GPM6A: variants seen among roughly 807,000 people sequenced by gnomAD.
The protein encoded by GPM6A is neuronal membrane glycoprotein M6-a.
A neutral mutation model predicts 32.1 loss-of-function variants in GPM6A; 7 were observed. The observed-to-expected ratio is 0.22, with a 90% CI of 0.12 to 0.41. The LOEUF (loss-of-function observed/expected upper bound fraction) is 0.41. GPM6A is among the 10% of genes least tolerant of loss of function. The probability of loss-of-function intolerance (pLI) is 1.00; values close to 1 mark genes in which losing one functional copy is unlikely to be tolerated. For synonymous variants in GPM6A, 130 were observed against 123.4 expected (o/e 1.05, Z -0.35); for missense variants, 235 against 347.2 (o/e 0.68, Z 2.57).
intron 1 of GPM6A, among the ~76,000 whole-genome samples, chr4:175,804,023 A>C (rs1734581044): frequency 6.6e-6 from 1 of 152,132 alleles, no homozygotes. Flanking sequence ...ACAATAAACC[A>C]CTAAATGAAT....
intron 1 of GPM6A, among the ~76,000 whole-genome samples, chr4:175,998,000 T>C (rs1713465649): frequency 6.6e-6 from 1 of 152,198 alleles, no homozygotes; most frequent in African/African-American, 2.4e-5. Context: ...CACTTTCAAA[T>C]AGATAATTCA....
At chr4:175,817,861 G>C (rs1194772695) in intron 1 of GPM6A, among the ~76,000 whole-genome samples, 1 of 152,144 alleles carries the variant, frequency 6.6e-6, no homozygotes, top group Non-Finnish European at 1.5e-5. Flanking sequence ...CCAATTCTGA[G>C]TCTTGCTCCT....
chr4:175,985,678 A>G (rs2126450792), intron 1 of GPM6A, among the ~76,000 whole-genome samples: 1 of 152,314 alleles, frequency 6.6e-6, no homozygotes, highest in Non-Finnish European at 1.5e-5. Flanking sequence ...CATTAAATAT[A>G]ATGTTACTTA....
intron 1 of GPM6A, among the ~76,000 whole-genome samples, chr4:175,965,445 G>A (rs1740304231): frequency 6.6e-6 from 1 of 151,788 alleles, no homozygotes; most frequent in Non-Finnish European, 1.5e-5. Flanking sequence ...AATTAAAGTA[G>A]AATACAAGAC....
chr4:175,787,517 T>C (rs1733849036), intron 1 of GPM6A: 4 of 1,453,304 alleles, frequency 2.8e-6, no homozygotes, highest in Middle Eastern at 1.9e-4. Context: ...GTTCCACCTT[T>C]AGGTTGATTT....
At chr4:175,775,724 T>C (rs1348509365) in intron 1 of GPM6A, among the ~76,000 whole-genome samples, 1 of 152,066 alleles carries the variant, frequency 6.6e-6, no homozygotes, top group Non-Finnish European at 1.5e-5. Flanking sequence ...TATAAACAAG[T>C]CCACAAATTA....
chr4:175,725,253 T>G (rs1378810331), intron 1 of GPM6A, among the ~76,000 whole-genome samples: 3 of 151,648 alleles, frequency 2.0e-5, no homozygotes, highest in Non-Finnish European at 4.4e-5. Flanking sequence ...CCCAAAAGAA[T>G]AGAGCTATAT....
At chr4:175,890,594 TC>T (rs1364640642) in intron 1 of GPM6A, among the ~76,000 whole-genome samples, 1 of 152,034 alleles carries the variant, frequency 6.6e-6, no homozygotes, top group African/African-American at 2.4e-5. Flanking sequence ...TGAGACAGAG[TC>T]TTGCTCTGTT....
chr4:175,911,530 T>C (rs557583218), intron 1 of GPM6A, among the ~76,000 whole-genome samples: 6 of 152,274 alleles, frequency 3.9e-5, no homozygotes, highest in African/African-American at 1.4e-4. Context: ...TAATAAGCCA[T>C]GTATCCCAAA....
chr4:175,957,651 G>A (rs922552428), intron 1 of GPM6A, among the ~76,000 whole-genome samples: 4 of 151,952 alleles, frequency 2.6e-5, no homozygotes, highest in East Asian at 1.9e-4. Context: ...ACCATGGCAC[G>A]TGTATACCTA....
intron 1 of GPM6A, among the ~76,000 whole-genome samples, chr4:175,909,283 C>G (rs975071393): frequency 6.6e-5 from 10 of 152,088 alleles, no homozygotes; most frequent in African/African-American, 2.2e-4. Context: ...GTTGCTAAGA[C>G]AGTCCAAATG....
At chr4:175,989,268 AAAGAT>A (rs1344247780) in intron 1 of GPM6A, among the ~76,000 whole-genome samples, 2 of 152,130 alleles carry the variant, frequency 1.3e-5, no homozygotes, top group African/African-American at 4.8e-5. Context: ...CCTTGATGTA[AAAGAT>A]AAGAGAGAAC....
chr4:175,831,111 A>G (rs1023751414), intron 1 of GPM6A, among the ~76,000 whole-genome samples: 5 of 152,228 alleles, frequency 3.3e-5, no homozygotes, highest in African/African-American at 1.2e-4. Flanking sequence ...ACTAGAAATT[A>G]AAGCCAGAGT....
chr4:175,821,439 G>T (rs1735274529), intron 1 of GPM6A, among the ~76,000 whole-genome samples: 1 of 151,954 alleles, frequency 6.6e-6, no homozygotes, highest in Admixed American at 6.5e-5. Context: ...AGTTAATCTT[G>T]GTTTTTGGTC....
At chr4:175,649,349 T>C (rs1247406324) in intron 4 of GPM6A, among the ~76,000 whole-genome samples, 1 of 152,232 alleles carries the variant, frequency 6.6e-6, no homozygotes, top group East Asian at 1.9e-4. Flanking sequence ...TTGAATGCAT[T>C]GAGAATTAAT....
rs182880566 is a variant in GPM6A, at chr4:175,976,994, T to C, written c.-23+25315A>G. On this transcript the variant is annotated intron_variant, in intron 1 of 7. Transcript: ENST00000280187. The stretch of plus-strand genomic sequence containing the variant: ...TTTGCATAATTAAGCTATTGGAAAC[T>C]ATCCAGATCTTTAAAATTATATAAA... Among the ~76,000 whole-genome samples, 350 of 152,350 alleles carry C rather than the reference T, an allele frequency of 2.3e-3. 1 individual carries two copies. Among genetic ancestry groups the C allele is most frequent in the Non-Finnish European group, 3.8e-3 (256 of 68,026 alleles).
chr4:175,915,052 T>C (rs1484633624), intron 1 of GPM6A, among the ~76,000 whole-genome samples: 3 of 152,168 alleles, frequency 2.0e-5, no homozygotes, highest in East Asian at 1.9e-4. Context: ...GACTGTTATT[T>C]CTTTCCCAAA....
chr4:175,772,122 T>A (rs1369885473), intron 1 of GPM6A, among the ~76,000 whole-genome samples: 1 of 152,186 alleles, frequency 6.6e-6, no homozygotes, highest in Non-Finnish European at 1.5e-5. Context: ...TTAGGAATGT[T>A]TCCTACACAC....
At chr4:175,712,598 C>T (rs997833357) in intron 1 of GPM6A, among the ~76,000 whole-genome samples, 1 of 152,160 alleles carries the variant, frequency 6.6e-6, no homozygotes, top group Non-Finnish European at 1.5e-5. Flanking sequence ...GTGAGGCCAA[C>T]CTGACTTTCT....
Sources: allele counts gnomAD v4.1 joint callset (sites outside exome capture counted in the v4.1 genomes callset), GRCh38; gene constraint gnomAD v4.1.1; transcripts MANE v1.5; gene names NCBI Gene and HGNC (gene_info 2026-07-23, HGNC 2026-07-21).